Variants in SLC44A1 observed in about 807,000 individuals in gnomAD.
The protein encoded by SLC44A1 is choline transporter-like protein 1.
Under a neutral mutation model 79.3 loss-of-function variants are expected in SLC44A1, and 26 were observed. The ratio of observed to expected loss-of-function variants is 0.33; its 90% confidence interval spans 0.24 to 0.46. SLC44A1 has a LOEUF of 0.46. Among genes scored for constraint, SLC44A1 ranks in the 20% least tolerant of loss-of-function variants. The pLI, the probability that SLC44A1 is intolerant of heterozygous loss-of-function variation, is 1.00. For synonymous variants in SLC44A1, 263 were observed against 286.2 expected (o/e 0.92, Z 0.82); for missense variants, 688 against 798.1 (o/e 0.86, Z 1.66).
At chr9:105,408,200 A>G (rs1243421652) in intron 15 of SLC44A1, among the ~76,000 whole-genome samples, 1 of 152,198 alleles carries the variant, frequency 6.6e-6, no homozygotes, top group Admixed American at 6.5e-5. Context: ...AAATCAAGAC[A>G]TTCTCATACA....
rs1347678911 is a variant in SLC44A1 at position 105,395,664 on chromosome 9, G to T, written c.*6608G>T. The stretch of plus-strand genomic sequence containing the variant: ...GTCACAGAAGTGTAAGACTTAAAGG[G>T]AATATTCTGACCTTCGTGTATGAAT... On this transcript the variant is annotated 3_prime_UTR_variant, in exon 16 of 16. Coordinates refer to ENST00000374720, the MANE Select transcript of SLC44A1 (RefSeq NM_080546.5). The T allele has an allele frequency of 1.8e-5, 18 of 985,258 alleles. No individual in the cohort carries two copies. The highest frequency in any genetic ancestry group is 1.9e-5 in the Non-Finnish European group (16 of 829,928). 61.0% of individuals were successfully genotyped at this position (985,258 alleles called of 1,614,324 possible).
chr9:105,293,019 TG>T (rs1419874968), intron 1 of SLC44A1, among the ~76,000 whole-genome samples: 1 of 151,696 alleles, frequency 6.6e-6, no homozygotes, highest in Non-Finnish European at 1.5e-5. Context: ...TAACAGAGCA[TG>T]GTGGTGTGTG....
At chr9:105,338,965 G>A (rs1457209495) in intron 4 of SLC44A1, among the ~76,000 whole-genome samples, 4 of 152,158 alleles carry the variant, frequency 2.6e-5, no homozygotes, top group Admixed American at 1.3e-4. Context: ...GAGCCTAAAT[G>A]TAAGAGCTAA....
chr9:105,279,318 T>C (rs1039816460), intron 1 of SLC44A1, among the ~76,000 whole-genome samples: 1 of 133,106 alleles, frequency 7.5e-6, no homozygotes, highest in Admixed American at 7.5e-5. Context: ...AAAAGAAAAC[T>C]TTTTTTTTTT....
chr9:105,319,409 C>G (rs1308557268), intron 3 of SLC44A1, among the ~76,000 whole-genome samples: 1 of 152,130 alleles, frequency 6.6e-6, no homozygotes, highest in Non-Finnish European at 1.5e-5. Flanking sequence ...GAGCACAGTA[C>G]TTTCTCAGTG....
intron 15 of SLC44A1, among the ~76,000 whole-genome samples, chr9:105,414,507 A>C (rs1219357032): frequency 2.6e-5 from 4 of 152,198 alleles, no homozygotes; most frequent in Admixed American, 6.5e-5. Context: ...TATTTGTAGC[A>C]ATCTAATTTA....
rs1302578572 is a variant in SLC44A1, at chr9:105,362,877, C to T, written c.957C>T (p.Ala319=). 1 of 1,613,700 alleles carries T rather than the reference C, an allele frequency of 6.2e-7. No individual in the cohort carries two copies. Among genetic ancestry groups the T allele is most frequent in the South Asian group, 1.1e-5 (1 of 90,888 alleles). The change falls in exon 9 of 16, where the codon GCC becomes GCT. Residue 319 remains alanine (A), a synonymous_variant. Transcript: ENST00000374720. Reference sequence around the variant, plus strand: ...GCAAACGTGTTGCTCTTACCATCGCCTTGTTCCACGTAGCTGGCAAGGTCT... The same window carrying T: ...GCAAACGTGTTGCTCTTACCATCGCTTTGTTCCACGTAGCTGGCAAGGTCT... ...VMRKRVALTI[A]LFHVAGKVFI... is the part of the protein sequence containing the mutation.
intron 1 of SLC44A1, among the ~76,000 whole-genome samples, chr9:105,247,787 C>A (rs74502402): frequency 6.6e-6 from 1 of 152,172 alleles, no homozygotes; most frequent in Admixed American, 6.5e-5. Flanking sequence ...TATATTTGAA[C>A]CTCTGGCTGG....
intron 13 of SLC44A1, among the ~76,000 whole-genome samples, chr9:105,376,883 T>C (rs1828308163): frequency 6.6e-6 from 1 of 152,224 alleles, no homozygotes; most frequent in East Asian, 1.9e-4. Context: ...CTCTAAAGTT[T>C]AGAGAAAAAT....
chr9:105,407,731 G>A (rs1010456849), intron 15 of SLC44A1, among the ~76,000 whole-genome samples: 2 of 151,408 alleles, frequency 1.3e-5, no homozygotes, highest in Non-Finnish European at 1.5e-5. Context: ...TTAGCTGGGC[G>A]TGATGGCACA....
At chr9:105,303,821 T>C (rs1322093413) in intron 2 of SLC44A1, among the ~76,000 whole-genome samples, 1 of 152,218 alleles carries the variant, frequency 6.6e-6, no homozygotes, top group East Asian at 1.9e-4. Flanking sequence ...CGTGGTCTCA[T>C]CAGTATCTCA....
chr9:105,351,986 C>G (rs945632245), intron 5 of SLC44A1, among the ~76,000 whole-genome samples: 1 of 152,114 alleles, frequency 6.6e-6, no homozygotes, highest in Non-Finnish European at 1.5e-5. Flanking sequence ...GAAGGCCGGG[C>G]ACAGTGGCTC....
downstream of SLC44A1, among the ~76,000 whole-genome samples, chr9:105,398,212 A>G (rs1431410893): frequency 6.6e-6 from 1 of 152,224 alleles, no homozygotes; most frequent in Non-Finnish European, 1.5e-5. Context: ...GTTCTTCTTA[A>G]GTGGAAGACC....
chr9:105,417,317 G>A (rs925640076), intron 15 of SLC44A1, among the ~76,000 whole-genome samples: 1 of 152,122 alleles, frequency 6.6e-6, no homozygotes, highest in African/African-American at 2.4e-5. Flanking sequence ...TTCACAACAG[G>A]GTAAGATGCT....
At chr9:105,302,059 C>G (rs1830894222) in intron 2 of SLC44A1, among the ~76,000 whole-genome samples, 1 of 152,092 alleles carries the variant, frequency 6.6e-6, no homozygotes, top group Non-Finnish European at 1.5e-5. Context: ...TTGTACTTCT[C>G]TTTTATTTCT....
At chr9:105,276,440 A>G (rs1830202904) in intron 1 of SLC44A1, among the ~76,000 whole-genome samples, 1 of 152,144 alleles carries the variant, frequency 6.6e-6, no homozygotes, top group South Asian at 2.1e-4. Context: ...GGATACAGCA[A>G]AGAACACCAA....
At chr9:105,254,261 A>G (rs757690965) in intron 1 of SLC44A1, among the ~76,000 whole-genome samples, 3 of 152,132 alleles carry the variant, frequency 2.0e-5, no homozygotes, top group Non-Finnish European at 4.4e-5. Context: ...AGATCCCAAG[A>G]TGGCTATGGC....
chr9:105,319,067 A>G (rs1360794353), intron 3 of SLC44A1, among the ~76,000 whole-genome samples: 1 of 152,122 alleles, frequency 6.6e-6, no homozygotes, highest in Non-Finnish European at 1.5e-5. Context: ...TGCTTCAACT[A>G]TGAGTTTGAT....
chr9:105,395,783 G>C lies in SLC44A1; in HGVS notation c.*6727G>C. 1 of 985,064 alleles carries C rather than the reference G, an allele frequency of 1.0e-6. No homozygotes were observed. Among genetic ancestry groups the C allele is most frequent in the Non-Finnish European group, 1.2e-6 (1 of 829,744 alleles). 61.0% of individuals were successfully genotyped at this position (985,064 alleles called of 1,614,324 possible). A position where few individuals can be genotyped will look rare whatever the true frequency, so the allele number is the denominator to read the frequency against. ...TATGAGTAAAAAAAAAGTAGACATT[G>C]AAAAGAAGACTTGGGAATAATTGGG... On this transcript the variant is annotated 3_prime_UTR_variant, in exon 16 of 16. Transcript: ENST00000374720.
Sources: allele counts gnomAD v4.1 joint callset (sites outside exome capture counted in the v4.1 genomes callset), GRCh38; gene constraint gnomAD v4.1.1; transcripts MANE v1.5; gene names NCBI Gene and HGNC (gene_info 2026-07-23, HGNC 2026-07-21).